Variants in CAMK1D observed in about 807,000 individuals in gnomAD.
CAMK1D encodes the protein calcium/calmodulin-dependent protein kinase type 1D.
CAMK1D carries 9 observed loss-of-function variants against 47.7 expected under a neutral mutation model. The observed-to-expected ratio is 0.19, with a 90% CI of 0.11 to 0.33. The LOEUF (loss-of-function observed/expected upper bound fraction) is 0.33, where lower values mean the gene tolerates loss of function less well. Ranked by LOEUF, CAMK1D falls within the 10% of genes least tolerant of loss-of-function variation. CAMK1D has a pLI of 1.00. For missense variants in CAMK1D, 291 were observed against 488.7 expected (o/e 0.60, Z 3.81); for synonymous variants, 184 against 184.9 (o/e 0.99, Z 0.04).
rs1833427742 is a variant in CAMK1D, at chr10:12,832,044, T to A, written c.*3157T>A. On this transcript the variant is annotated 3_prime_UTR_variant, in exon 11 of 11. Transcript: ENST00000619168. ...GGACGCGTAGACCCCATCACAGGCTTCCTTCCTGAGCCCAAGTCCCCCATT... is the reference window on the plus strand; with the variant it reads ...GGACGCGTAGACCCCATCACAGGCTACCTTCCTGAGCCCAAGTCCCCCATT... The A allele has an allele frequency of 6.6e-6, 1 of 152,296 alleles. No individual in the cohort carries two copies. The highest frequency in any genetic ancestry group is 2.4e-5 in the African/African-American group (1 of 41,436). The allele number at this position is 152,296 out of a possible 1,614,324, so 9.4% of individuals were successfully genotyped here.
chr10:12,428,292 TC>T (rs979480363), intron 1 of CAMK1D, among the ~76,000 whole-genome samples: 22 of 152,264 alleles, frequency 1.4e-4, no homozygotes, highest in African/African-American at 5.1e-4. Flanking sequence ...CTGCCTAGAA[TC>T]CCTGCTGGCT....
chr10:12,403,455 A>G (rs536663936), intron 1 of CAMK1D, among the ~76,000 whole-genome samples: 6 of 152,298 alleles, frequency 3.9e-5, no homozygotes, highest in African/African-American at 1.2e-4. Flanking sequence ...CAGTGAGATG[A>G]TTGATGATGT....
intron 1 of CAMK1D, among the ~76,000 whole-genome samples, chr10:12,504,108 GGTGTGTGTGTGTGTGTGTGTCTGT>G (rs1481149332): frequency 2.0e-5 from 3 of 147,640 alleles, no homozygotes; most frequent in African/African-American, 7.6e-5. Flanking sequence ...CAATAAGATG[GGTGTGTGTGTGTGTGTGTGTCTGT>G]GTGTGTGTGT....
intron 1 of CAMK1D, among the ~76,000 whole-genome samples, chr10:12,484,633 C>T (rs1197753245): frequency 3.3e-5 from 5 of 152,176 alleles, no homozygotes; most frequent in Non-Finnish European, 7.3e-5. Flanking sequence ...TGAGCTCATT[C>T]ACGGGGACCA....
At chr10:12,792,874 T>C (rs1289592599) in intron 6 of CAMK1D, among the ~76,000 whole-genome samples, 1 of 152,224 alleles carries the variant, frequency 6.6e-6, no homozygotes, top group Non-Finnish European at 1.5e-5. Context: ...TTTGCAGTTT[T>C]ATCCTTTTGA....
At chr10:12,819,452 C>T (rs1832937819) in intron 8 of CAMK1D, among the ~76,000 whole-genome samples, 1 of 152,194 alleles carries the variant, frequency 6.6e-6, no homozygotes, top group African/African-American at 2.4e-5. Context: ...CTGCTCGGCT[C>T]TTAAGTCCTG....
At chr10:12,388,728 T>C (rs1279107442) in intron 1 of CAMK1D, among the ~76,000 whole-genome samples, 2 of 152,148 alleles carry the variant, frequency 1.3e-5, no homozygotes, top group Non-Finnish European at 2.9e-5. Context: ...AGCTCCGTCA[T>C]TACCTGGGGC....
At position 12,383,251 on chromosome 10, in the gene CAMK1D, G is replaced by A. The variant is rs1424355501; in HGVS notation, c.92+33341G>A. Among the ~76,000 whole-genome samples the A allele has an allele frequency of 2.0e-5, 3 of 151,996 alleles. No homozygotes were observed. In the East Asian group the frequency reaches 5.8e-4, roughly 29 times the overall value. ...TATAGATTTAAATAAAATTAGAATA[G>A]ATCTTTCCAATTTTTTTTTTTGTTG... On this transcript the variant is annotated intron_variant, in intron 1 of 10. Transcript: ENST00000619168.
chr10:12,813,580 CAG>C (rs1164458232), intron 6 of CAMK1D, among the ~76,000 whole-genome samples: 1 of 152,026 alleles, frequency 6.6e-6, no homozygotes, highest in Admixed American at 6.6e-5. Context: ...TAATTCTGTG[CAG>C]AGAGTTAAGG....
intron 1 of CAMK1D, among the ~76,000 whole-genome samples, chr10:12,476,935 G>A (rs952956515): frequency 2.0e-5 from 3 of 152,142 alleles, no homozygotes; most frequent in Non-Finnish European, 4.4e-5. Context: ...GCTGTTACGG[G>A]AAAGACAATG....
Position 12,456,228 on chromosome 10 carries a change from C to T in CAMK1D, c.93-96997C>T, listed in dbSNP as rs1027885415. 7.2e-5 allele frequency among the ~76,000 whole-genome samples: 11 copies of T among 152,240 alleles called. No individual in the cohort carries two copies. The South Asian group carries it at 1.9e-3, about 26-fold the overall frequency. On this transcript the variant is annotated intron_variant, in intron 1 of 10. Transcript: ENST00000619168. ...AAAATATTCATTTATGTTTGATTTC[C>T]ATGTCATTGTGTGTCTTGTGATGAG...
chr10:12,591,127 G>C (rs1028480995), intron 2 of CAMK1D, among the ~76,000 whole-genome samples: 8 of 152,142 alleles, frequency 5.3e-5, no homozygotes, highest in East Asian at 3.9e-4. Flanking sequence ...GGAACAGTCT[G>C]TTCTCCCCGT....
intron 3 of CAMK1D, among the ~76,000 whole-genome samples, chr10:12,670,404 A>G (rs145004036): frequency 1.6e-4 from 24 of 151,920 alleles, no homozygotes; most frequent in African/African-American, 5.3e-4. Flanking sequence ...TGTTCTTTAT[A>G]TAGTCCATAC....
Position 12,791,241 on chromosome 10 carries a change from C to G in CAMK1D, c.641+8C>G. 1 of 1,612,994 alleles carries G rather than the reference C, an allele frequency of 6.2e-7. No homozygotes were observed. Among genetic ancestry groups the G allele is most frequent in the East Asian group, 2.2e-5 (1 of 44,876 alleles). On this transcript the variant is annotated splice_region_variant and intron_variant, in intron 6 of 10. Coordinates refer to ENST00000619168, the MANE Select transcript of CAMK1D (RefSeq NM_153498.4). ...AGTGATTGCCTACATCTTGTAAGTA[C>G]TGCCTGCTGCCTTGGGTTCTTCCTC...
chr10:12,417,440 G>A (rs1267656461), intron 1 of CAMK1D, among the ~76,000 whole-genome samples: 2 of 152,202 alleles, frequency 1.3e-5, no homozygotes, highest in Admixed American at 6.5e-5. Context: ...AAACAGAGGC[G>A]GGATCCCTTA....
chr10:12,824,011 C>T (rs540661216), intron 8 of CAMK1D, among the ~76,000 whole-genome samples: 29 of 151,802 alleles, frequency 1.9e-4, no homozygotes, highest in African/African-American at 6.0e-4. Flanking sequence ...GAAGCAAGGC[C>T]GGGAAGGGGT....
intron 2 of CAMK1D, among the ~76,000 whole-genome samples, chr10:12,566,008 A>C (rs913592566): frequency 6.6e-6 from 1 of 152,150 alleles, no homozygotes; most frequent in Non-Finnish European, 1.5e-5. Flanking sequence ...GAATCAGCTC[A>C]TCTGAGTTTG....
intron 5 of CAMK1D, among the ~76,000 whole-genome samples, chr10:12,773,126 G>A (rs1193040396): frequency 1.3e-5 from 2 of 152,156 alleles, no homozygotes; most frequent in African/African-American, 2.4e-5. Flanking sequence ...ATCAATCTGT[G>A]TCTCTCACTG....
intron 1 of CAMK1D, among the ~76,000 whole-genome samples, chr10:12,541,644 G>A (rs531505356): frequency 2.5e-4 from 38 of 152,188 alleles, no homozygotes; most frequent in Non-Finnish European, 5.3e-4. Context: ...ACAGGCGTGA[G>A]CCACTGCGCC....
Sources: gnomAD v4.1 joint callset for allele counts (sites outside exome capture counted in the v4.1 genomes callset) on GRCh38, gnomAD v4.1.1 for gene constraint, MANE v1.5 for transcripts, NCBI Gene and HGNC (gene_info 2026-07-23, HGNC 2026-07-21) for gene names.